The following SORCS1 variants were observed in gnomAD, a reference collection of about 807,000 sequenced individuals.
SORCS1 encodes sortilin related VPS10 domain containing receptor 1, also known as VPS10 domain-containing receptor SorCS1.
In SORCS1, 60 loss-of-function variants were observed where a neutral mutation model predicts 146.1. The ratio of observed to expected loss-of-function variants is 0.41; its 90% CI spans 0.33 to 0.51. The LOEUF is 0.51. Ranked by LOEUF, SORCS1 falls within the 20% of genes least tolerant of loss-of-function variation. SORCS1 has a pLI of 0.21. For synonymous variants in SORCS1, 637 were observed against 584.0 expected, an observed-to-expected ratio of 1.09 and a Z score of -1.31; for missense variants, 1,352 against 1,487.6, an observed-to-expected ratio of 0.91 and a Z score of 1.50.
At chr10:106,913,415 C>G (rs1952260438) in intron 2 of SORCS1, among the ~76,000 whole-genome samples, 1 of 152,134 alleles carries the variant, frequency 6.6e-6, no homozygotes, top group Non-Finnish European at 1.5e-5. Flanking sequence ...AGTAAAGACC[C>G]AGGAACTGAC....
intron 20 of SORCS1, among the ~76,000 whole-genome samples, chr10:106,618,686 T>C (rs904593194): frequency 6.6e-6 from 1 of 152,152 alleles, no homozygotes; most frequent in Non-Finnish European, 1.5e-5. Flanking sequence ...ATCTATAAGC[T>C]GCCATGTGTT....
rs553032484 is a variant in SORCS1 at position 107,034,680 on chromosome 10, C to CAAA, written c.559-78103_559-78101dup. Among the ~76,000 whole-genome samples, 51 of 13,790 alleles carry CAAA rather than the reference C, an allele frequency of 3.7e-3. 7 individuals carry two copies. Among genetic ancestry groups the CAAA allele is most frequent in the Admixed American group, 0.012 (7 of 564 alleles). 9.0% of individuals were successfully genotyped at this position (13,790 alleles called of 152,430 possible). On this transcript the variant is annotated intron_variant, in intron 1 of 25. Transcript: ENST00000263054. Reference sequence around the variant, plus strand: ...GGGAAACATGAGCGAAACTCCATCTCAAAAAAAAAAAAAAAAAAAAAAAAA... The same window carrying CAAA: ...GGGAAACATGAGCGAAACTCCATCTCAAAAAAAAAAAAAAAAAAAAAAAAAAAA...
chr10:106,803,629 T>C (rs1411167682), intron 3 of SORCS1, among the ~76,000 whole-genome samples: 4 of 152,184 alleles, frequency 2.6e-5, no homozygotes, highest in South Asian at 2.1e-4. Flanking sequence ...ATCTCAATGA[T>C]ACATTTTGGT....
At chr10:106,925,177 T>C (rs974268055) in intron 2 of SORCS1, among the ~76,000 whole-genome samples, 5 of 152,104 alleles carry the variant, frequency 3.3e-5, no homozygotes, top group East Asian at 1.9e-4. Flanking sequence ...GCATAAATGA[T>C]TGTCTTCTCT....
intron 3 of SORCS1, among the ~76,000 whole-genome samples, chr10:106,823,488 A>G (rs1378390596): frequency 6.6e-6 from 1 of 152,232 alleles, no homozygotes; most frequent in African/African-American, 2.4e-5. Context: ...TTTAAGTTTC[A>G]GCCTAGGAGT....
intron 24 of SORCS1, among the ~76,000 whole-genome samples, chr10:106,582,840 C>A (rs1472427590): frequency 2.6e-5 from 4 of 152,120 alleles, no homozygotes; most frequent in African/African-American, 9.7e-5. Context: ...ATATTTTATT[C>A]ATGAGGACCT....
chr10:107,065,420 T>TTTCTTTCTTTCTTTCTTTCTTTC (rs1961676312), intron 1 of SORCS1, among the ~76,000 whole-genome samples: 1 of 88,130 alleles, frequency 1.1e-5, no homozygotes, highest in Non-Finnish European at 3.0e-5. Context: ...CTTTCTTTTC[T>TTTCTTTCTTTCTTTCTTTCTTTC]TTCTTTCTTT....
At chr10:106,869,017 C>T (rs1004042384) in intron 2 of SORCS1, among the ~76,000 whole-genome samples, 3 of 151,890 alleles carry the variant, frequency 2.0e-5, no homozygotes, top group African/African-American at 7.3e-5. Flanking sequence ...GTGCTACCAC[C>T]GACCCCACAG....
chr10:106,699,146 C>T, intron 9 of SORCS1, 68 bp downstream of exon 9: 1 of 1,388,158 alleles, frequency 7.2e-7, no homozygotes, highest in East Asian at 2.5e-5. Context: ...GAAAAGAGTC[C>T]ATGCGGGGCT....
intron 10 of SORCS1, among the ~76,000 whole-genome samples, chr10:106,684,593 AG>A (rs1433997452): frequency 6.6e-6 from 1 of 152,168 alleles, no homozygotes; most frequent in Non-Finnish European, 1.5e-5. Flanking sequence ...TCAGTCTAAA[AG>A]TCCTAAAAAT....
intron 1 of SORCS1, among the ~76,000 whole-genome samples, chr10:107,139,622 G>C (rs1184864930): frequency 6.6e-6 from 1 of 152,178 alleles, no homozygotes; most frequent in East Asian, 1.9e-4. Context: ...AGTAGAGATT[G>C]GTGAAGCCCA....
intron 2 of SORCS1, among the ~76,000 whole-genome samples, chr10:106,898,298 A>G (rs1303347437): frequency 6.6e-6 from 1 of 152,228 alleles, no homozygotes; most frequent in East Asian, 1.9e-4. Flanking sequence ...AACATCTATT[A>G]AAATAAACCC....
intron 2 of SORCS1, among the ~76,000 whole-genome samples, chr10:106,904,571 T>C (rs1951838011): frequency 6.6e-6 from 1 of 152,204 alleles, no homozygotes; most frequent in Admixed American, 6.5e-5. Context: ...TCATTAACTG[T>C]CAGGGCATCC....
At chr10:106,802,424 C>A (rs1254459568) in intron 3 of SORCS1, among the ~76,000 whole-genome samples, 1 of 152,076 alleles carries the variant, frequency 6.6e-6, no homozygotes, top group African/African-American at 2.4e-5. Flanking sequence ...CTCTGCCTCC[C>A]GGGTTCAAAC....
chr10:106,645,299 G>A (rs1589552727), intron 18 of SORCS1, among the ~76,000 whole-genome samples: 1 of 152,084 alleles, frequency 6.6e-6, no homozygotes, highest in South Asian at 2.1e-4. Context: ...TTCCCAAGTA[G>A]CTGGGACTAC....
Position 106,964,312 on chromosome 10 carries a change from AT to A in SORCS1, c.559-7733del, listed in dbSNP as rs112978946. The stretch of plus-strand genomic sequence containing the variant: ...ACCAGATTTTGATTTTTAATTAATT[AT>A]TTTTTTTATAGGCAAGGCCTTACTC... On this transcript the variant is annotated intron_variant, in intron 1 of 25. Transcript: ENST00000263054. 7.5e-3 allele frequency among the ~76,000 whole-genome samples: 1,136 copies of A among 151,848 alleles called. 21 individuals are homozygous for A. The highest frequency in any genetic ancestry group is 0.026 in the African/African-American group (1,080 of 41,380).
At chr10:107,058,787 T>C (rs1164705889) in intron 1 of SORCS1, among the ~76,000 whole-genome samples, 3 of 152,252 alleles carry the variant, frequency 2.0e-5, no homozygotes, top group Admixed American at 6.5e-5. Flanking sequence ...AATACCATTA[T>C]ATGAAAGTAC....
At chr10:106,698,342 T>C (rs529473437) in intron 9 of SORCS1, among the ~76,000 whole-genome samples, 29 of 152,384 alleles carry the variant, frequency 1.9e-4, no homozygotes, top group Non-Finnish European at 3.7e-4. Flanking sequence ...TCATTATGAC[T>C]GTACATATCT....
chr10:106,857,279 T>A (rs1190710219), intron 2 of SORCS1, among the ~76,000 whole-genome samples: 1 of 152,104 alleles, frequency 6.6e-6, no homozygotes, highest in Non-Finnish European at 1.5e-5. Context: ...ATCCTGCCCA[T>A]CTCCTTCCCT....
Sources: allele counts gnomAD v4.1 joint callset (sites outside exome capture counted in the v4.1 genomes callset), GRCh38; gene constraint gnomAD v4.1.1; transcripts MANE v1.5; gene names NCBI Gene and HGNC (gene_info 2026-07-23, HGNC 2026-07-21).